VDAC1: variants seen among roughly 807,000 people sequenced by gnomAD.
The protein encoded by VDAC1 is voltage dependent anion channel 1, also known as non-selective voltage-gated ion channel VDAC1.
Under a neutral mutation model 34.7 loss-of-function variants are expected in VDAC1, and 10 were observed. That is an observed-to-expected ratio of 0.29 (90% CI 0.18 to 0.49). VDAC1 has a LOEUF of 0.49. VDAC1 is among the 20% of genes least tolerant of loss of function. The probability of loss-of-function intolerance (pLI) is 0.99; values close to 1 mark genes in which losing one functional copy is unlikely to be tolerated. For synonymous variants in VDAC1, 130 were observed against 136.0 expected (o/e 0.96, Z 0.30); for missense variants, 230 against 347.9 (o/e 0.66, Z 2.69).
chr5:134,049,942 A>G, the VDAC1 span, among the ~76,000 whole-genome samples: 1 of 152,150 alleles, frequency 6.6e-6, no homozygotes, highest in African/African-American at 2.4e-5. Flanking sequence ...TTACATATGG[A>G]AATTTAGATG....
At chr5:134,105,248 G>A in the VDAC1 span, among the ~76,000 whole-genome samples, 1 of 152,160 alleles carries the variant, frequency 6.6e-6, no homozygotes, top group African/African-American at 2.4e-5. Flanking sequence ...TGTTAAAGGA[G>A]GCCAGGGGAG....
upstream of VDAC1, among the ~76,000 whole-genome samples, chr5:134,008,989 G>A (rs1753794132): frequency 6.6e-6 from 1 of 152,018 alleles, no homozygotes; most frequent in Non-Finnish European, 1.5e-5. Flanking sequence ...GGACCCAGCT[G>A]GGCCTCCAGG....
the VDAC1 span, among the ~76,000 whole-genome samples, chr5:134,097,701 G>A: frequency 1.3e-5 from 2 of 152,150 alleles, no homozygotes; most frequent in South Asian, 2.1e-4. Context: ...TGGACGTGGC[G>A]GGGAGAATAG....
chr5:134,046,680 G>T, the VDAC1 span, among the ~76,000 whole-genome samples: 1 of 152,304 alleles, frequency 6.6e-6, no homozygotes, highest in Non-Finnish European at 1.5e-5. Flanking sequence ...GGGTCCCCCA[G>T]TTCTGGGTTG....
chr5:133,980,299 G>C (rs1752640673), intron 6 of VDAC1, among the ~76,000 whole-genome samples: 1 of 152,144 alleles, frequency 6.6e-6, no homozygotes, highest in Admixed American at 6.5e-5. Context: ...AAGATAGTTT[G>C]TAACTGAGAT....
At chr5:133,985,918 C>G (rs778813043) in intron 5 of VDAC1, among the ~76,000 whole-genome samples, 1 of 152,208 alleles carries the variant, frequency 6.6e-6, no homozygotes, top group Non-Finnish European at 1.5e-5. Context: ...TGTGCACCAC[C>G]TGCACCAGTT....
At chr5:134,010,789 CAAACA>C in the VDAC1 span, among the ~76,000 whole-genome samples, 1 of 152,084 alleles carries the variant, frequency 6.6e-6, no homozygotes, top group Non-Finnish European at 1.5e-5. Context: ...ATGTAAAAAA[CAAACA>C]AAACAAAACA....
the VDAC1 span, among the ~76,000 whole-genome samples, chr5:134,024,688 C>G: frequency 6.6e-6 from 1 of 152,180 alleles, no homozygotes; most frequent in Non-Finnish European, 1.5e-5. Flanking sequence ...TCACATTTCA[C>G]TGGGCAGCTG....
the VDAC1 span, among the ~76,000 whole-genome samples, chr5:134,029,578 A>G: frequency 6.6e-6 from 1 of 152,242 alleles, no homozygotes; most frequent in Non-Finnish European, 1.5e-5. Flanking sequence ...AAACGTGGCT[A>G]TTGAGCATTC....
At chr5:134,109,176 C>A in the VDAC1 span, among the ~76,000 whole-genome samples, 1 of 152,160 alleles carries the variant, frequency 6.6e-6, no homozygotes, top group Non-Finnish European at 1.5e-5. Context: ...CTTCTGAGCA[C>A]CGCAGGTTGC....
the VDAC1 span, among the ~76,000 whole-genome samples, chr5:134,088,072 T>C: frequency 2.0e-5 from 3 of 151,630 alleles, no homozygotes; most frequent in Admixed American, 2.0e-4. Flanking sequence ...GGAGAATCGC[T>C]TGAACCCAGG....
chr5:134,011,794 C>G, the VDAC1 span, among the ~76,000 whole-genome samples: 1 of 152,102 alleles, frequency 6.6e-6, no homozygotes, highest in Non-Finnish European at 1.5e-5. Context: ...TGCCCACCAC[C>G]AGGCCCGGCT....
At chr5:134,010,820 G>A in the VDAC1 span, among the ~76,000 whole-genome samples, 92,638 of 151,906 alleles carry the variant, frequency 0.61, 28,548 homozygotes, top group Admixed American at 0.63. Flanking sequence ...TACTTCATTG[G>A]GATAGGATTG....
the VDAC1 span, among the ~76,000 whole-genome samples, chr5:134,080,568 T>TACCAC: frequency 2.4e-4 from 13 of 53,886 alleles, no homozygotes; most frequent in African/African-American, 8.2e-4. Context: ...TACCATACCG[T>TACCAC]GAGCAGGTTA....
At chr5:133,996,180 G>A (rs1390514441) in intron 1 of VDAC1, among the ~76,000 whole-genome samples, 3 of 152,188 alleles carry the variant, frequency 2.0e-5, no homozygotes, top group African/African-American at 2.4e-5. Flanking sequence ...GCAGAGCCTG[G>A]GGGCTTTGTT....
the VDAC1 span, among the ~76,000 whole-genome samples, chr5:134,043,414 G>A: frequency 1.3e-5 from 2 of 152,214 alleles, no homozygotes; most frequent in African/African-American, 2.4e-5. Context: ...CCAGGAATTA[G>A]CCCAACCAGA....
rs556506459 is a variant in VDAC1, at chr5:133,996,078, G to T, written c.-6-3060C>A. On this transcript the variant is annotated intron_variant, in intron 1 of 8. Transcript: ENST00000265333. ...GCATGAAGCAGGGCAGTCTGGCATC[G>T]GCAAAGCAGCTAGCCCTGGACAGAC... 5.3e-5 allele frequency among the ~76,000 whole-genome samples: 8 copies of T among 152,318 alleles called. 1 individual carries two copies. The South Asian group carries it at 1.0e-3, about 20-fold the overall frequency.
upstream of VDAC1, among the ~76,000 whole-genome samples, chr5:134,005,897 G>C (rs1349303581): frequency 6.6e-6 from 1 of 152,232 alleles, no homozygotes; most frequent in East Asian, 1.9e-4. Flanking sequence ...TGGAGGAGGT[G>C]CCGGGTTACA....
In VDAC1 at chr5:133,994,759, A is replaced by C. The variant is rs187832543; in HGVS notation, c.-6-1741T>G. ...GGGCCCAGAACATTCTCCACCCGAC[A>C]GGGTTAACAAACCATCAGTGAACCA... On this transcript the variant is annotated intron_variant, in intron 1 of 8. Coordinates refer to ENST00000265333, the MANE Select transcript of VDAC1 (RefSeq NM_003374.3). Among the ~76,000 whole-genome samples, 16 of 152,298 alleles carry C rather than the reference A, an allele frequency of 1.1e-4. No homozygotes were observed. In the East Asian group the frequency reaches 2.1e-3, roughly 20 times the overall value.
Sources: allele counts gnomAD v4.1 joint callset (sites outside exome capture counted in the v4.1 genomes callset), GRCh38; gene constraint gnomAD v4.1.1; transcripts MANE v1.5; gene names NCBI Gene and HGNC (gene_info 2026-07-23, HGNC 2026-07-21).